NAA11: variants seen among roughly 807,000 people sequenced by gnomAD.
The protein encoded by NAA11 is N-alpha-acetyltransferase 11, NatA catalytic subunit, also known as N-alpha-acetyltransferase 11.
A neutral mutation model predicts 16.1 loss-of-function variants in NAA11; 15 were observed. The ratio of observed to expected loss-of-function variants is 0.93; its 90% CI spans 0.62 to 1.44. NAA11 has a LOEUF of 1.44. Ranked by LOEUF, NAA11 falls within the 40% of genes most tolerant of loss-of-function variation. The pLI, the probability that NAA11 is intolerant of heterozygous loss-of-function variation, is 0.00. For missense variants in NAA11, 298 were observed against 291.3 expected (o/e 1.02, Z -0.17); for synonymous variants, 122 against 112.4 (o/e 1.09, Z -0.54).
At chr4:79,202,567 T>TTTTA in the NAA11 span, among the ~76,000 whole-genome samples, 2 of 121,600 alleles carry the variant, frequency 1.6e-5, no homozygotes, top group African/African-American at 5.6e-5. Flanking sequence ...CCATATGTAG[T>TTTTA]TATATATATA....
At chr4:79,170,329 GCTCT>G in the NAA11 span, among the ~76,000 whole-genome samples, 1 of 152,072 alleles carries the variant, frequency 6.6e-6, no homozygotes, top group Non-Finnish European at 1.5e-5. Flanking sequence ...CTTCCACCTG[GCTCT>G]CTATCACTTG....
At chr4:79,241,712 G>T (rs1468270718) in intron 2 of NAA11, among the ~76,000 whole-genome samples, 1 of 152,160 alleles carries the variant, frequency 6.6e-6, no homozygotes, top group Admixed American at 6.5e-5. Context: ...CTGGGACTAT[G>T]TCTCTCCTCA....
intron 2 of NAA11, among the ~76,000 whole-genome samples, chr4:79,234,084 T>C (rs1036116731): frequency 6.6e-6 from 1 of 152,110 alleles, no homozygotes; most frequent in African/African-American, 2.4e-5. Context: ...TAAGTTGTTT[T>C]CTTCAAGAAC....
Position 79,228,806 on chromosome 4 carries a change from A to G in NAA11, c.*123-2536T>C, listed in dbSNP as rs554367334. Among the ~76,000 whole-genome samples, 359 of 152,090 alleles carry G rather than the reference A, an allele frequency of 2.4e-3. 1 individual carries two copies. Among genetic ancestry groups the G allele is most frequent in the African/African-American group, 7.8e-3 (326 of 41,536 alleles). On this transcript the variant is annotated intron_variant and NMD_transcript_variant, in intron 2 of 2. Transcript: ENST00000511542. ...ATTTTTTGTATAAACATCAGTTTTT[A>G]TTTCTCTTAGGTAAATACTTACTAG...
At chr4:79,188,967 C>T in the NAA11 span, among the ~76,000 whole-genome samples, 1 of 151,590 alleles carries the variant, frequency 6.6e-6, no homozygotes, top group South Asian at 2.1e-4. Context: ...CGCAGTGGCT[C>T]ACGCCTGTAA....
chr4:79,302,173 C>T (rs1458188561), intron 1 of NAA11, among the ~76,000 whole-genome samples: 2 of 152,044 alleles, frequency 1.3e-5, no homozygotes, highest in African/African-American at 2.4e-5. Context: ...TAGATTGATA[C>T]CATAGAATAG....
chr4:79,295,365 C>A (rs1221102922), intron 1 of NAA11, among the ~76,000 whole-genome samples: 2 of 152,200 alleles, frequency 1.3e-5, no homozygotes, highest in Non-Finnish European at 2.9e-5. Context: ...CTCAGGAAAT[C>A]TGTTTCAGGA....
the NAA11 span, among the ~76,000 whole-genome samples, chr4:79,211,153 C>G: frequency 2.0e-5 from 3 of 152,118 alleles, no homozygotes; most frequent in African/African-American, 7.2e-5. Flanking sequence ...GCTTAAGTGA[C>G]TGGCTGAGCT....
the NAA11 span, among the ~76,000 whole-genome samples, chr4:79,192,061 G>T: frequency 1.3e-5 from 2 of 152,060 alleles, no homozygotes; most frequent in Non-Finnish European, 2.9e-5. Context: ...TTGTGCTAGT[G>T]CTATGCTGTT....
At chr4:79,228,089 A>G (rs989714874) in intron 2 of NAA11, 1 of 151,984 alleles carries the variant, frequency 6.6e-6, no homozygotes, top group African/African-American at 2.4e-5. Context: ...CCTATTGCTC[A>G]ATGCCTGTTG....
At chr4:79,168,165 C>G in the NAA11 span, among the ~76,000 whole-genome samples, 1 of 152,228 alleles carries the variant, frequency 6.6e-6, no homozygotes, top group South Asian at 2.1e-4. Context: ...ATGACAGTTT[C>G]CAGTTTCATC....
intron 2 of NAA11, among the ~76,000 whole-genome samples, chr4:79,291,040 T>C (rs1723068549): frequency 6.6e-6 from 1 of 152,114 alleles, no homozygotes; most frequent in African/African-American, 2.4e-5. Flanking sequence ...ATTACTGAGT[T>C]TGAAAAAAAC....
chr4:79,304,011 A>G (rs1439597336), intron 1 of NAA11, among the ~76,000 whole-genome samples: 2 of 152,240 alleles, frequency 1.3e-5, no homozygotes, highest in East Asian at 1.9e-4. Context: ...GCTCTATGGC[A>G]TACTTTTCTT....
rs1410068340 is a variant in NAA11, at chr4:79,236,652, A to G, written c.*123-10382T>C. ...ATTGCTGATACATTTTTGATAAGTC[A>G]AAAATCTATTAAAACTGAATTAAAG... On this transcript the variant is annotated intron_variant and NMD_transcript_variant, in intron 2 of 2. Transcript: ENST00000511542. Among the ~76,000 whole-genome samples the G allele has an allele frequency of 2.6e-5, 4 of 152,302 alleles. No homozygotes were observed. In the East Asian group the frequency reaches 7.7e-4, roughly 29 times the overall value.
intron 2 of NAA11, among the ~76,000 whole-genome samples, chr4:79,280,254 CTTTTT>C (rs767067773): frequency 0.62 from 93,833 of 151,854 alleles, 30,328 homozygotes; most frequent in African/African-American, 0.8. Context: ...GGTTGTGCCT[CTTTTT>C]GAGGCACAGT....
At chr4:79,283,272 GT>G (rs997173114) in intron 2 of NAA11, among the ~76,000 whole-genome samples, 45 of 151,334 alleles carry the variant, frequency 3.0e-4, no homozygotes, top group African/African-American at 1.0e-3. Flanking sequence ...ATGTCAAGAA[GT>G]TTTTTTTTAA....
intron 2 of NAA11, among the ~76,000 whole-genome samples, chr4:79,285,655 A>C (rs1205623561): frequency 3.3e-5 from 5 of 152,050 alleles, no homozygotes; most frequent in Non-Finnish European, 5.9e-5. Context: ...CATTAATAAT[A>C]ATCATGATCA....
downstream of NAA11, among the ~76,000 whole-genome samples, chr4:79,312,646 C>CAAAAAAA (rs544315352): frequency 3.3e-4 from 23 of 69,420 alleles, 1 homozygote; most frequent in African/African-American, 1.3e-3. Flanking sequence ...GACTCCATCT[C>CAAAAAAA]AAAAAAAAAA....
the NAA11 span, among the ~76,000 whole-genome samples, chr4:79,210,861 GCTTT>G: frequency 6.6e-6 from 1 of 152,154 alleles, no homozygotes; most frequent in Non-Finnish European, 1.5e-5. Flanking sequence ...TCTAAACCCC[GCTTT>G]CTTTATCTGT....
Sources: allele counts gnomAD v4.1 joint callset (sites outside exome capture counted in the v4.1 genomes callset), GRCh38; gene constraint gnomAD v4.1.1; transcripts MANE v1.5; gene names NCBI Gene and HGNC (gene_info 2026-07-23, HGNC 2026-07-21).